Variants in ATAD3A observed in about 807,000 individuals in gnomAD.
ATAD3A encodes the protein ATPase family AAA domain-containing protein 3A.
Under a neutral mutation model 73.8 loss-of-function variants are expected in ATAD3A, and 46 were observed. The ratio of observed to expected loss-of-function variants is 0.62; its 90% CI spans 0.49 to 0.80. The LOEUF (loss-of-function observed/expected upper bound fraction) is 0.80. Among genes scored for constraint, ATAD3A ranks in the 30% least tolerant of loss-of-function variants. The pLI is 0.00. For synonymous variants in ATAD3A, 319 were observed against 350.0 expected (o/e 0.91, Z 0.99); for missense variants, 705 against 838.0 (o/e 0.84, Z 1.96).
In ATAD3A at chr1:1,520,594, G is replaced by A; in HGVS notation, c.727G>A (p.Asp243Asn). ...GGAAGGATTCCGTGCCTTTGTGACA[G>A]ACTGGGACAAAGTGACAGCCACGGT... ...FGEGFRAFVT[D>N]WDKVTATVAG... The change falls in exon 7 of 16, where the codon GAC becomes AAC. Residue 243 changes from aspartate to asparagine, a missense_variant. Asp to Asn is a conservative substitution (Grantham distance 23). Coordinates refer to ENST00000378756, the MANE Select transcript of ATAD3A (RefSeq NM_001170535.3). The surrounding 1 kb of genome is among the most constrained non-coding windows in gnomAD (Gnocchi z 4.0). 1 of 1,613,724 alleles carries A rather than the reference G, an allele frequency of 6.2e-7. No homozygotes were observed. The highest frequency in any genetic ancestry group is 8.5e-7 in the Non-Finnish European group (1 of 1,179,886).
At position 1,534,464 on chromosome 1, in the gene ATAD3A, A is replaced by G; in HGVS notation, c.*392A>G. 1 of 1,155,380 alleles carries G rather than the reference A, an allele frequency of 8.7e-7. No individual in the cohort carries two copies. Among genetic ancestry groups the G allele is most frequent in the African/African-American group, 1.6e-5 (1 of 63,602 alleles). 71.6% of individuals were successfully genotyped at this position (1,155,380 alleles called of 1,614,324 possible). On this transcript the variant is annotated 3_prime_UTR_variant, in exon 16 of 16. Coordinates refer to ENST00000378756, the MANE Select transcript of ATAD3A (RefSeq NM_001170535.3). The stretch of plus-strand genomic sequence containing the variant: ...TGTTCTCGGCTCCCACAGCAGAGCC[A>G]GGTGAGGGGGCGCCTGCCAGGGCCA...
chr1:1,529,605 C>G (rs1188014017), intron 15 of ATAD3A, among the ~76,000 whole-genome samples: 2 of 152,218 alleles, frequency 1.3e-5, no homozygotes, highest in Non-Finnish European at 2.9e-5. Context: ...GTAGCCCGAG[C>G]TTTGCCAGGT....
In ATAD3A at chr1:1,514,486, G is replaced by A. The variant is rs545546332; in HGVS notation, c.206-1526G>A. 1.8e-4 allele frequency among the ~76,000 whole-genome samples: 28 copies of A among 152,278 alleles called. No homozygotes were observed. The South Asian group carries it at 5.2e-3, about 28-fold the overall frequency. On this transcript the variant is annotated intron_variant, in intron 1 of 15. Transcript: ENST00000378756. ...CTGTCTTCCCTGAGAGGCAGGTCCC[G>A]GTCTCATCTGTGCTCTGTTCACTGG...
intron 15 of ATAD3A, among the ~76,000 whole-genome samples, chr1:1,532,268 G>A (rs1288944514): frequency 1.3e-5 from 2 of 152,108 alleles, no homozygotes; most frequent in Non-Finnish European, 2.9e-5. Context: ...TGGTGTCTTT[G>A]TCTGGCTTTG....
chr1:1,512,686 G>T, intron 1 of ATAD3A: 5 of 1,286,444 alleles, frequency 3.9e-6, no homozygotes, highest in Non-Finnish European at 5.1e-6. Context: ...TCAGGAGCGG[G>T]TCAGGTGCGG....
At chr1:1,515,535 A>ACCCC (rs1334857543) in intron 1 of ATAD3A, among the ~76,000 whole-genome samples, 6 of 152,182 alleles carry the variant, frequency 3.9e-5, no homozygotes, top group South Asian at 2.1e-4. Context: ...ACAAAACGTA[A>ACCCC]CTGAGGACGT....
intron 15 of ATAD3A, among the ~76,000 whole-genome samples, chr1:1,529,841 C>T (rs914974540): frequency 2.0e-5 from 3 of 152,208 alleles, no homozygotes; most frequent in Non-Finnish European, 4.4e-5. Flanking sequence ...TCCGTGGCTG[C>T]TCCAGGGCTG....
In ATAD3A at chr1:1,522,797, G is replaced by C. The variant is rs145958395; in HGVS notation, c.804G>C (p.Thr268=). The change falls in exon 8 of 16, where the codon ACG becomes ACC. Residue 268 remains threonine, a synonymous_variant. Transcript: ENST00000378756. ...GGGTCTACTCAGCCAAGAATGCCAC[G>C]CTTGTCGCCGGCCGCTTCATCGAGG... ...AVGVYSAKNA[T]LVAGRFIEAR... 7 of 1,609,546 alleles carry C rather than the reference G, an allele frequency of 4.3e-6. No homozygotes were observed. The highest frequency in any genetic ancestry group is 5.9e-6 in the Non-Finnish European group (7 of 1,179,738).
Position 1,523,937 on chromosome 1 carries a change from A to G in ATAD3A, c.1062A>G (p.Pro354=), listed in dbSNP as rs1455295849. The change falls in exon 10 of 16, where the codon CCA becomes CCG. Residue 354 remains proline (P), a synonymous_variant. Coordinates refer to ENST00000378756, the MANE Select transcript of ATAD3A (RefSeq NM_001170535.3). This position sits in a 1 kb window ranked among gnomAD's most constrained non-coding sequence, Gnocchi z 5.1. The stretch of plus-strand genomic sequence containing the variant: ...GGAACATCCTGATGTACGGGCCACC[A>G]GGCACCGGGAAGACGCTGTTTGCCA... The part of the protein sequence containing the change: ...LYRNILMYGP[P]GTGKTLFAKK... 1.2e-6 allele frequency: 2 copies of G among 1,613,942 alleles called. No individual in the cohort carries two copies. Among genetic ancestry groups the G allele is most frequent in the South Asian group, 1.1e-5 (1 of 91,086 alleles).
intron 15 of ATAD3A, among the ~76,000 whole-genome samples, chr1:1,531,170 A>G (rs927294024): frequency 2.6e-5 from 4 of 151,506 alleles, no homozygotes; most frequent in African/African-American, 9.7e-5. Context: ...AAAAATAGTA[A>G]TAGGCCAGGT....
intron 7 of ATAD3A, among the ~76,000 whole-genome samples, chr1:1,521,266 T>C (rs1341296048): frequency 1.8e-5 from 2 of 110,754 alleles, no homozygotes; most frequent in Non-Finnish European, 3.3e-5. Context: ...GCTACTGCAC[T>C]CCAGCCTGGG....
chr1:1,516,527 C>T (rs1468863521), intron 2 of ATAD3A, among the ~76,000 whole-genome samples: 1 of 152,176 alleles, frequency 6.6e-6, no homozygotes, highest in Non-Finnish European at 1.5e-5. Context: ...ATTCTCCTGC[C>T]TCAGCCTCCT....
At chr1:1,533,861 C>T (rs577953664) in intron 15 of ATAD3A, 65 bp from the exon 16 acceptor site, 25 of 1,570,816 alleles carry the variant, frequency 1.6e-5, no homozygotes, top group Non-Finnish European at 2.2e-5. Flanking sequence ...CCTCGGGGCC[C>T]TGGCGTGCAT....
intron 12 of ATAD3A, among the ~76,000 whole-genome samples, chr1:1,525,676 A>G (rs541475347): frequency 6.6e-6 from 1 of 151,842 alleles, no homozygotes; most frequent in Admixed American, 6.5e-5. Context: ...GGCCTCCCAA[A>G]GTGCTGGGAT....
chr1:1,530,253 G>A (rs1335939247), intron 15 of ATAD3A, among the ~76,000 whole-genome samples: 6 of 152,222 alleles, frequency 3.9e-5, no homozygotes, highest in African/African-American at 1.2e-4. Flanking sequence ...AGAAAGCAGA[G>A]GCCGGGTATG....
At chr1:1,526,329 T>A in intron 12 of ATAD3A, 132 bp from the exon 13 acceptor site, 2 of 1,538,852 alleles carry the variant, frequency 1.3e-6, no homozygotes, top group Non-Finnish European at 1.8e-6. Flanking sequence ...CTGGTCAGGC[T>A]TTTGAGAGTA....
At position 1,523,869 on chromosome 1, in the gene ATAD3A, G is replaced by T; in HGVS notation, c.994G>T (p.Ala332Ser). 1 of 1,613,986 alleles carries T rather than the reference G, an allele frequency of 6.2e-7. No homozygotes were observed. The highest frequency in any genetic ancestry group is 1.1e-5 in the South Asian group (1 of 91,082). Residue 332 changes from alanine to serine, a missense_variant, in exon 10 of 16, where the codon GCC (alanine) becomes TCC (serine). Physicochemically the swap from Ala to Ser is moderately conservative, Grantham distance 99. This residue lies in a region of ATAD3A where 315 missense variants were observed against 334.1 expected (regional missense o/e 0.94). Transcript: ENST00000378756. This position sits in a 1 kb window ranked among gnomAD's most constrained non-coding sequence, Gnocchi z 5.1. ...PSLEARVRDI[A>S]IATRNTKKNR... Reference sequence around the variant, plus strand: ...CCTGGAAGCACGGGTGCGCGACATCGCCATAGCAACAAGGAACACCAAGAA... The same window carrying T: ...CCTGGAAGCACGGGTGCGCGACATCTCCATAGCAACAAGGAACACCAAGAA...
chr1:1,525,152 G>A (rs949825610), intron 11 of ATAD3A, 88 bp from the exon 12 acceptor site: 7 of 1,568,040 alleles, frequency 4.5e-6, no homozygotes, highest in South Asian at 1.1e-5. Context: ...GGATCTGCCT[G>A]CTTGGCCTGC....
chr1:1,516,894 T>C (rs1641376100), intron 2 of ATAD3A, among the ~76,000 whole-genome samples: 1 of 152,018 alleles, frequency 6.6e-6, no homozygotes, highest in African/African-American at 2.4e-5. Context: ...GTATTTTTAG[T>C]AGAGATGGGG....
Sources: allele counts gnomAD v4.1 joint callset (sites outside exome capture counted in the v4.1 genomes callset), GRCh38; gene constraint gnomAD v4.1.1; regional missense constraint gnomAD v4.1.1; non-coding constraint Gnocchi (gnomAD v3.1); transcripts MANE v1.5; gene names NCBI Gene and HGNC (gene_info 2026-07-23, HGNC 2026-07-21).